The following TENT2 variants were observed in gnomAD, a reference collection of about 807,000 sequenced individuals.
TENT2 encodes the protein terminal nucleotidyltransferase 2.
TENT2 carries 44 observed loss-of-function variants against 72.2 expected under a neutral mutation model. The ratio of observed to expected loss-of-function variants is 0.61; its 90% confidence interval spans 0.48 to 0.78. TENT2 has a LOEUF of 0.78. TENT2 is among the 30% of genes least tolerant of loss of function. The pLI is 0.00. For synonymous variants in TENT2, 212 were observed against 192.5 expected (o/e 1.10, Z -0.84); for missense variants, 541 against 569.6 (o/e 0.95, Z 0.51).
intron 11 of TENT2, among the ~76,000 whole-genome samples, chr5:79,657,871 A>G (rs1315715275): frequency 6.6e-6 from 1 of 152,234 alleles, no homozygotes; most frequent in African/African-American, 2.4e-5. Flanking sequence ...CTAAATGGTC[A>G]TATTTCAAAG....
chr5:79,618,534 C>G (rs934989438), intron 1 of TENT2, among the ~76,000 whole-genome samples: 1 of 152,010 alleles, frequency 6.6e-6, no homozygotes, highest in Non-Finnish European at 1.5e-5. Context: ...ACATCCGGCC[C>G]CTTTCTTTTT....
At chr5:79,663,690 T>C (rs972510907) in intron 11 of TENT2, among the ~76,000 whole-genome samples, 1 of 152,150 alleles carries the variant, frequency 6.6e-6, no homozygotes, top group Non-Finnish European at 1.5e-5. Context: ...ATATTACTGA[T>C]CACAGATCAC....
chr5:79,651,630 G>A (rs1794145993), intron 10 of TENT2, among the ~76,000 whole-genome samples: 1 of 151,898 alleles, frequency 6.6e-6, no homozygotes, highest in Non-Finnish European at 1.5e-5. Flanking sequence ...TGACAGCTTA[G>A]TAACCTTTCC....
intron 5 of TENT2, 42 bp downstream of exon 5, chr5:79,641,007 C>A: frequency 6.7e-7 from 1 of 1,490,750 alleles, no homozygotes; most frequent in Non-Finnish European, 9.1e-7. Flanking sequence ...TATATGCATT[C>A]CTATTTTAAA....
In TENT2 at chr5:79,621,778, A is replaced by AAC. The variant is rs1561455997; in HGVS notation, c.228-1473_228-1472insCA. 5.5e-3 allele frequency among the ~76,000 whole-genome samples: 760 copies of AAC among 138,846 alleles called. 5 individuals carry two copies. The highest frequency in any genetic ancestry group is 0.021 in the African/African-American group (714 of 33,838). The allele number at this position is 138,846 out of a possible 152,430, so 91.1% of individuals were successfully genotyped here. A position where few individuals can be genotyped will look rare whatever the true frequency, so the allele number is the denominator to read the frequency against. On this transcript the variant is annotated intron_variant, in intron 3 of 14. Transcript: ENST00000453514. ...ATCTCAAAAAAAAAAAAAAACAAAAAAAACAAAACTCCATTAATTTGTAGT... is the reference window on the plus strand; with the variant it reads ...ATCTCAAAAAAAAAAAAAAACAAAAAACAAACAAAACTCCATTAATTTGTAGT...
intron 10 of TENT2, among the ~76,000 whole-genome samples, chr5:79,654,919 C>G (rs533175348): frequency 6.6e-6 from 1 of 152,114 alleles, no homozygotes; most frequent in Non-Finnish European, 1.5e-5. Context: ...TCTCTACCAG[C>G]AAGCTGTTAT....
intron 10 of TENT2, chr5:79,656,737 A>G (rs905492898): frequency 3.0e-5 from 13 of 437,102 alleles, no homozygotes; most frequent in Admixed American, 2.0e-4. Context: ...ATTGATTTAC[A>G]TAGGGATATA....
chr5:79,659,553 AAT>A (rs1491280492), intron 11 of TENT2, among the ~76,000 whole-genome samples: 291 of 26,848 alleles, frequency 0.011, 19 homozygotes, highest in African/African-American at 0.066. Context: ...AAAAAAAAAA[AAT>A]GTATATATAT....
At position 79,640,882 on chromosome 5, in the gene TENT2, C is replaced by A; in HGVS notation, c.497C>A (p.Thr166Lys). ...LSQQILELFE[T>K]CQQQISDLKK... ...CAGCAGATACTGGAGTTATTTGAAACATGTCAGCAGCAAATAAGTGATTTA... is the reference window on the plus strand; with the variant it reads ...CAGCAGATACTGGAGTTATTTGAAAAATGTCAGCAGCAAATAAGTGATTTA... Residue 166 changes from threonine to lysine, a missense_variant, in exon 5 of 15, where the codon ACA becomes AAA. Transcript: ENST00000453514. 1 of 1,610,652 alleles carries A rather than the reference C, an allele frequency of 6.2e-7. No homozygotes were observed.
chr5:79,641,875 T>A (rs1784779292), intron 6 of TENT2, among the ~76,000 whole-genome samples: 1 of 151,966 alleles, frequency 6.6e-6, no homozygotes, highest in Non-Finnish European at 1.5e-5. Context: ...TCTGAAATGC[T>A]CCAATGAACA....
At position 79,649,116 on chromosome 5, in the gene TENT2, A is replaced by G. The variant is rs1480767573; in HGVS notation, c.953A>G (p.His318Arg). The G allele has an allele frequency of 1.9e-6, 3 of 1,613,396 alleles. No homozygotes were observed. Among genetic ancestry groups the G allele is most frequent in the Non-Finnish European group, 2.5e-6 (3 of 1,179,672 alleles). ...GTGATTAAGAAGTGGGCAAGTCACC[A>G]TCAGATAAATGATGCCAGTCGTGGT... is the stretch of plus-strand genomic sequence containing the variant. ...VLVIKKWASH[H>R]QINDASRGTL... Residue 318 changes from histidine (H) to arginine (R), a missense_variant, in exon 10 of 15, where the codon CAT becomes CGT. By Grantham distance (29) the His-to-Arg change is conservative. Transcript: ENST00000453514.
At chr5:79,620,990 T>C (rs766157624) in intron 3 of TENT2, among the ~76,000 whole-genome samples, 14 of 152,178 alleles carry the variant, frequency 9.2e-5, no homozygotes, top group Admixed American at 3.9e-4. Context: ...GAGGTAGTTA[T>C]TGAAATAACA....
chr5:79,678,714 C>A lies in TENT2; in HGVS notation c.1209-865C>A, dbSNP rs1439323209. 2.0e-5 allele frequency among the ~76,000 whole-genome samples: 3 copies of A among 152,128 alleles called. No individual in the cohort carries two copies. In the East Asian group the frequency reaches 5.8e-4, roughly 29 times the overall value. On this transcript the variant is annotated intron_variant, in intron 12 of 14. Coordinates refer to ENST00000453514, the MANE Select transcript of TENT2 (RefSeq NM_001114394.3). ...TTTTGCTTTCCTAAAACAGCATCCA[C>A]TTCTATCGAAAATTTCAAAATTTTC... is the stretch of plus-strand genomic sequence containing the variant.
At chr5:79,621,757 C>CAA (rs397998298) in intron 3 of TENT2, among the ~76,000 whole-genome samples, 32 of 83,276 alleles carry the variant, frequency 3.8e-4, no homozygotes, top group Middle Eastern at 6.5e-3. Flanking sequence ...GACTCTATCT[C>CAA]AAAAAAAAAA....
intron 11 of TENT2, among the ~76,000 whole-genome samples, chr5:79,667,825 A>C (rs1225811816): frequency 1.3e-5 from 2 of 151,788 alleles, no homozygotes; most frequent in Non-Finnish European, 2.9e-5. Flanking sequence ...CCATTTTTTA[A>C]CTTGGCATTA....
At chr5:79,662,667 G>A (rs7724342) in intron 11 of TENT2, among the ~76,000 whole-genome samples, 30,837 of 152,002 alleles carry the variant, frequency 0.2, 4,618 homozygotes, top group African/African-American at 0.42. Flanking sequence ...TCAGTGTACC[G>A]TGCTGTAAAG....
chr5:79,639,902 T>C (rs1783042330), intron 4 of TENT2, among the ~76,000 whole-genome samples: 1 of 152,060 alleles, frequency 6.6e-6, no homozygotes, highest in Admixed American at 6.5e-5. Context: ...GATAGGGAAA[T>C]CACCTATGTT....
At chr5:79,659,499 T>G (rs1580514930) in intron 11 of TENT2, among the ~76,000 whole-genome samples, 1 of 116,690 alleles carries the variant, frequency 8.6e-6, no homozygotes, top group Admixed American at 1.1e-4. Context: ...GCCACTGTAC[T>G]CCAGCCTCGG....
At chr5:79,669,066 G>GTA in intron 12 of TENT2, 38 bp downstream of exon 12, 1 of 1,461,572 alleles carries the variant, frequency 6.8e-7, no homozygotes, top group African/African-American at 1.4e-5. Flanking sequence ...TCACTTATAT[G>GTA]TGTGTGTGTG....
Sources: gnomAD v4.1 joint callset for allele counts (sites outside exome capture counted in the v4.1 genomes callset) on GRCh38, gnomAD v4.1.1 for gene constraint, MANE v1.5 for transcripts, NCBI Gene and HGNC (gene_info 2026-07-23, HGNC 2026-07-21) for gene names.